CORIN: variants seen among roughly 807,000 people sequenced by gnomAD.
The protein encoded by CORIN is atrial natriuretic peptide-converting enzyme.
In CORIN, 117 loss-of-function variants were observed where a neutral mutation model predicts 125.3. The ratio of observed to expected loss-of-function variants is 0.93; its 90% CI spans 0.80 to 1.09. The LOEUF (loss-of-function observed/expected upper bound fraction) is 1.09, where lower values mean the gene tolerates loss of function less well. Ranked by LOEUF, CORIN falls within the 50% of genes least tolerant of loss-of-function variation. CORIN has a pLI of 0.00. For missense variants in CORIN, 1,253 were observed against 1,306.7 expected (o/e 0.96, Z 0.63); for synonymous variants, 450 against 466.4 (o/e 0.96, Z 0.45).
chr4:47,679,366 T>C (rs1725163233), intron 8 of CORIN, among the ~76,000 whole-genome samples: 1 of 117,380 alleles, frequency 8.5e-6, no homozygotes, highest in African/African-American at 2.6e-5. Context: ...CTACGTTCTC[T>C]CTTTTTTTTT....
intron 6 of CORIN, among the ~76,000 whole-genome samples, chr4:47,688,864 ATTT>A (rs1725642551): frequency 1.3e-5 from 2 of 152,146 alleles, no homozygotes; most frequent in African/African-American, 4.8e-5. Context: ...GAGTTTTTTT[ATTT>A]TTATAATTTT....
At position 47,792,508 on chromosome 4, in the gene CORIN, A is replaced by T. The variant is rs150954863; in HGVS notation, c.209-5583T>A. 9.7e-4 allele frequency among the ~76,000 whole-genome samples: 148 copies of T among 152,328 alleles called. 2 individuals are homozygous for T. The highest frequency in any genetic ancestry group is 3.4e-3 in the African/African-American group (142 of 41,560). ...GGAACATTAGGAGAAAGCTCCAAAG[A>T]TGCAAAATCATATGAACATGAGAGA... is the stretch of plus-strand genomic sequence containing the variant. On this transcript the variant is annotated intron_variant, in intron 2 of 21. Coordinates refer to ENST00000273857, the MANE Select transcript of CORIN (RefSeq NM_006587.4).
At chr4:47,804,709 G>C (rs1289570369) in intron 2 of CORIN, among the ~76,000 whole-genome samples, 2 of 140,442 alleles carry the variant, frequency 1.4e-5, no homozygotes, top group Non-Finnish European at 3.1e-5. Flanking sequence ...CAGAGGCTGA[G>C]GCTGGGAAGG....
At chr4:47,794,951 G>A (rs895680966) in intron 2 of CORIN, among the ~76,000 whole-genome samples, 2 of 151,908 alleles carry the variant, frequency 1.3e-5, no homozygotes, top group African/African-American at 4.8e-5. Flanking sequence ...AATCCATTTT[G>A]ACTTGATTTT....
At chr4:47,642,759 G>A (rs1282691369) in intron 15 of CORIN, 3 of 1,127,268 alleles carry the variant, frequency 2.7e-6, no homozygotes, top group Non-Finnish European at 2.4e-6. Flanking sequence ...GACCTGAAGA[G>A]TGTAGGGAAG....
chr4:47,749,312 A>G (rs1728798209), intron 4 of CORIN, among the ~76,000 whole-genome samples: 1 of 152,156 alleles, frequency 6.6e-6, no homozygotes, highest in Admixed American at 6.5e-5. Context: ...TGACTTCTGC[A>G]TTGCTAACAG....
intron 5 of CORIN, among the ~76,000 whole-genome samples, chr4:47,713,090 TA>T (rs1385618194): frequency 2.0e-5 from 3 of 152,076 alleles, no homozygotes; most frequent in Admixed American, 2.0e-4. Context: ...ATTAGAAGAA[TA>T]GAAAGAAAAC....
chr4:47,833,141 A>G (rs183209056), intron 1 of CORIN, among the ~76,000 whole-genome samples: 102 of 152,198 alleles, frequency 6.7e-4, no homozygotes, highest in African/African-American at 2.4e-3. Context: ...AGCTAGAGGT[A>G]TCATACGTCA....
intron 5 of CORIN, among the ~76,000 whole-genome samples, chr4:47,712,341 G>A (rs1307462787): frequency 6.6e-6 from 1 of 152,106 alleles, no homozygotes; most frequent in African/African-American, 2.4e-5. Context: ...GGAGTTAAGT[G>A]GGACACTCTC....
rs1268562687 is a variant in CORIN at position 47,657,069 on chromosome 4, TAATC to T, written c.1736-3413_1736-3410del. On this transcript the variant is annotated intron_variant, in intron 12 of 21. Coordinates refer to ENST00000273857, the MANE Select transcript of CORIN (RefSeq NM_006587.4). ...AAAATAAAATACCTGGAAATTAACTTAATCAAAGAAATGAAAGGTCTCTGTGATG... is the reference window on the plus strand; with the variant it reads ...AAAATAAAATACCTGGAAATTAACTTAAAGAAATGAAAGGTCTCTGTGATG... Among the ~76,000 whole-genome samples, 6 of 152,240 alleles carry T rather than the reference TAATC, an allele frequency of 3.9e-5. No homozygotes were observed. The South Asian group carries it at 6.2e-4, about 16-fold the overall frequency.
chr4:47,623,092 CTCTCTATA>C (rs1560476656), intron 19 of CORIN, among the ~76,000 whole-genome samples: 2 of 111,130 alleles, frequency 1.8e-5, no homozygotes, highest in Non-Finnish European at 3.5e-5. Flanking sequence ...CTCTCTCTCT[CTCTCTATA>C]TATATATATA....
intron 5 of CORIN, among the ~76,000 whole-genome samples, chr4:47,726,619 G>A (rs960607543): frequency 6.6e-6 from 1 of 151,980 alleles, no homozygotes; most frequent in Admixed American, 6.6e-5. Flanking sequence ...TAATTTTGTG[G>A]TGGTTACAAA....
intron 5 of CORIN, among the ~76,000 whole-genome samples, chr4:47,731,183 G>A (rs1003058037): frequency 4.6e-5 from 7 of 152,252 alleles, no homozygotes; most frequent in African/African-American, 7.2e-5. Context: ...AAAGCTGGGA[G>A]AAGAGAAAGT....
chr4:47,787,093 TCAA>T (rs1234754190), intron 2 of CORIN, among the ~76,000 whole-genome samples, 168 bp from the exon 3 acceptor site: 1 of 151,994 alleles, frequency 6.6e-6, no homozygotes, highest in Non-Finnish European at 1.5e-5. Context: ...CTTCTTGGGG[TCAA>T]CAACCACAAA....
chr4:47,834,020 T>C (rs1045128483), intron 1 of CORIN, among the ~76,000 whole-genome samples: 3 of 152,138 alleles, frequency 2.0e-5, no homozygotes, highest in Non-Finnish European at 4.4e-5. Flanking sequence ...AATAGAACTA[T>C]CATATGATCC....
chr4:47,709,257 C>T (rs1268436090), intron 5 of CORIN, among the ~76,000 whole-genome samples: 1 of 151,132 alleles, frequency 6.6e-6, no homozygotes, highest in Non-Finnish European at 1.5e-5. Flanking sequence ...GGGCTGGCTA[C>T]ATAATTTGCA....
At chr4:47,694,002 T>C (rs772616880) in intron 5 of CORIN, among the ~76,000 whole-genome samples, 1 of 152,182 alleles carries the variant, frequency 6.6e-6, no homozygotes, top group Admixed American at 6.5e-5. Context: ...CATTATGAAT[T>C]TATGTTTTAT....
chr4:47,759,148 G>A (rs2109863368), intron 4 of CORIN, among the ~76,000 whole-genome samples: 1 of 152,278 alleles, frequency 6.6e-6, no homozygotes, highest in East Asian at 1.9e-4. Flanking sequence ...TCAATAAATG[G>A]CATTAGGGAA....
chr4:47,782,005 T>C (rs1484100752), intron 3 of CORIN, among the ~76,000 whole-genome samples: 1 of 151,244 alleles, frequency 6.6e-6, no homozygotes. Context: ...TAATAAAAGG[T>C]TCAATATAAA....
Sources: allele counts gnomAD v4.1 joint callset (sites outside exome capture counted in the v4.1 genomes callset), GRCh38; gene constraint gnomAD v4.1.1; transcripts MANE v1.5; gene names NCBI Gene and HGNC (gene_info 2026-07-23, HGNC 2026-07-21).